MMD2: variants seen among roughly 807,000 people sequenced by gnomAD.
The protein encoded by MMD2 is monocyte to macrophage differentiation factor 2.
In MMD2, 30 loss-of-function variants were observed where a neutral mutation model predicts 33.5. The ratio of observed to expected loss-of-function variants is 0.90; its 90% CI spans 0.67 to 1.22. MMD2 has a LOEUF of 1.22. MMD2 is among the 50% of genes most tolerant of loss of function. The pLI is 0.00. For missense variants in MMD2, 364 were observed against 325.4 expected (o/e 1.12, Z -0.91); for synonymous variants, 129 against 123.0 (o/e 1.05, Z -0.32).
intron 2 of MMD2, among the ~76,000 whole-genome samples, chr7:4,922,942 G>A (rs898482423): frequency 6.6e-6 from 1 of 152,154 alleles, no homozygotes; most frequent in African/African-American, 2.4e-5. Flanking sequence ...TTAACAGCAG[G>A]GGCCTGGTAC....
chr7:4,941,076 G>A (rs1395331757), intron 1 of MMD2, among the ~76,000 whole-genome samples: 1 of 152,184 alleles, frequency 6.6e-6, no homozygotes, highest in Non-Finnish European at 1.5e-5. Flanking sequence ...GTTAGGAGGA[G>A]GGGTCGCCCC....
chr7:4,954,079 AC>A (rs1786323155), intron 1 of MMD2, among the ~76,000 whole-genome samples: 1 of 151,850 alleles, frequency 6.6e-6, no homozygotes, highest in Non-Finnish European at 1.5e-5. Flanking sequence ...AGATCCTCGC[AC>A]CTCAGCCTCC....
intron 1 of MMD2, among the ~76,000 whole-genome samples, chr7:4,952,995 G>GTTT (rs140512396): frequency 1.3e-5 from 2 of 151,558 alleles, no homozygotes; most frequent in African/African-American, 4.9e-5. Context: ...TTTTTTGTTT[G>GTTT]TTTTTTTGTT....
the MMD2 span, among the ~76,000 whole-genome samples, chr7:4,894,961 T>C: frequency 1.3e-5 from 2 of 152,142 alleles, no homozygotes; most frequent in Non-Finnish European, 2.9e-5. The surrounding 1 kb of genome is among the most constrained non-coding windows in gnomAD (Gnocchi z 4.3). Context: ...AAATGATCTT[T>C]GCTGGAAGCT....
chr7:4,918,998 CTGAGA>C (rs1785208773), intron 3 of MMD2, among the ~76,000 whole-genome samples: 1 of 151,896 alleles, frequency 6.6e-6, no homozygotes, highest in Non-Finnish European at 1.5e-5. Context: ...ACTCGGGAGG[CTGAGA>C]TAAGAGGATC....
Position 4,946,125 on chromosome 7 carries a change from A to G in MMD2, c.47+12846T>C, listed in dbSNP as rs1262933868. Among the ~76,000 whole-genome samples the G allele has an allele frequency of 1.3e-5, 2 of 150,430 alleles. No homozygotes were observed. The highest frequency in any genetic ancestry group is 3.0e-5 in the Non-Finnish European group (2 of 67,566). On this transcript the variant is annotated intron_variant, in intron 1 of 6. Coordinates refer to ENST00000401401, the MANE Select transcript of MMD2 (RefSeq NM_198403.4). This position sits in a 1 kb window ranked among gnomAD's most constrained non-coding sequence, Gnocchi z 5.0. ...CATGCACACGCGCACACGCACGCAC[A>G]CACCTGCACACGCACGCACACCCAC...
Position 4,909,941 on chromosome 7 carries a change from A to C in MMD2, c.477T>G (p.Leu159=). Residue 159 remains leucine, a synonymous_variant, in exon 6 of 7, where the codon CTT becomes CTG. Transcript: ENST00000401401. ...YVFFFHERYK[L]VELLCYVVMG... Reference sequence around the variant, plus strand: ...TTACGACGTAGCAGAGAAGCTCCACAAGCTTGTACCTGGCAGGAAGACAAG... The same window carrying C: ...TTACGACGTAGCAGAGAAGCTCCACCAGCTTGTACCTGGCAGGAAGACAAG... 6.2e-7 allele frequency: 1 copy of C among 1,613,918 alleles called. No homozygotes were observed. Among genetic ancestry groups the C allele is most frequent in the Non-Finnish European group, 8.5e-7 (1 of 1,179,886 alleles).
At chr7:4,893,528 A>C in the MMD2 span, among the ~76,000 whole-genome samples, 1 of 151,970 alleles carries the variant, frequency 6.6e-6, no homozygotes, top group Non-Finnish European at 1.5e-5. Flanking sequence ...AGTAGCTGGG[A>C]TTACAGACAT....
intron 1 of MMD2, among the ~76,000 whole-genome samples, chr7:4,945,083 C>T (rs1309619453): frequency 6.6e-6 from 1 of 151,136 alleles, no homozygotes; most frequent in East Asian, 1.9e-4. Flanking sequence ...CCCCCCGACC[C>T]CTTCTTCTGG....
In MMD2 at chr7:4,907,342, A is replaced by G. The variant is rs10951715; in HGVS notation, c.*54T>C. 1,284,916 of 1,573,156 alleles carry G rather than the reference A, an allele frequency of 0.82. 526,328 individuals carry two copies. The highest frequency in any genetic ancestry group is 0.89 in the Admixed American group (53,536 of 59,868). The stretch of plus-strand genomic sequence containing the variant: ...GGCGCTGTGCTCTGGGTTAACGTTC[A>G]CAGAAACGTGCTCCACTCCTAAAGC... On this transcript the variant is annotated 3_prime_UTR_variant, in exon 7 of 7. Coordinates refer to ENST00000401401, the MANE Select transcript of MMD2 (RefSeq NM_198403.4).
chr7:4,932,770 G>A (rs1459076260), intron 1 of MMD2, among the ~76,000 whole-genome samples: 2 of 151,782 alleles, frequency 1.3e-5, no homozygotes. Context: ...TTACAGGCAT[G>A]TGCCACCACC....
intron 1 of MMD2, among the ~76,000 whole-genome samples, chr7:4,926,327 C>G (rs962897438): frequency 5.3e-5 from 8 of 152,100 alleles, no homozygotes; most frequent in African/African-American, 1.4e-4. Flanking sequence ...TCCCGAACTC[C>G]AAGCGATCCT....
intron 1 of MMD2, among the ~76,000 whole-genome samples, chr7:4,944,341 A>T (rs904202231): frequency 1.3e-5 from 2 of 152,040 alleles, no homozygotes; most frequent in African/African-American, 4.8e-5. Context: ...GGGAAACTTT[A>T]GCCCTGGGCT....
chr7:4,956,165 G>A (rs1387756969), intron 1 of MMD2, among the ~76,000 whole-genome samples: 2 of 152,156 alleles, frequency 1.3e-5, no homozygotes, highest in African/African-American at 4.8e-5. Flanking sequence ...GCTCATGCCT[G>A]TAATCCCAAC....
rs375653079 is a variant in MMD2, at chr7:4,928,985, G to A, written c.48-3453C>T. On this transcript the variant is annotated intron_variant, in intron 1 of 6. Coordinates refer to ENST00000401401, the MANE Select transcript of MMD2 (RefSeq NM_198403.4). ...TGTGTGCTAGCTGTATGCTAGCATA[G>A]TTCAGGGCTCATTTATGGAGCATAT... 3.3e-5 allele frequency among the ~76,000 whole-genome samples: 5 copies of A among 152,334 alleles called. No individual in the cohort carries two copies. In the South Asian group the frequency reaches 8.3e-4, roughly 25 times the overall value.
At chr7:4,892,961 G>A in the MMD2 span, among the ~76,000 whole-genome samples, 78,509 of 151,832 alleles carry the variant, frequency 0.52, 20,999 homozygotes, top group South Asian at 0.63. Context: ...TGATCCTCAC[G>A]CCTCTACCTC....
intron 1 of MMD2, among the ~76,000 whole-genome samples, chr7:4,951,671 C>T (rs1336796161): frequency 2.0e-5 from 3 of 152,170 alleles, no homozygotes; most frequent in African/African-American, 7.2e-5. Context: ...ACAATCATGG[C>T]TCACTGTAAC....
downstream of MMD2, among the ~76,000 whole-genome samples, chr7:4,904,298 G>T (rs368914535): frequency 6.6e-6 from 1 of 152,174 alleles, no homozygotes; most frequent in Non-Finnish European, 1.5e-5. Flanking sequence ...CTTGCCCACC[G>T]GAGAGAATGG....
chr7:4,933,819 G>A (rs1302980858), intron 1 of MMD2, among the ~76,000 whole-genome samples: 1 of 151,948 alleles, frequency 6.6e-6, no homozygotes, highest in East Asian at 1.9e-4. Context: ...TTTTTGTAGA[G>A]ACAGGCTCTT....
Sources: allele counts gnomAD v4.1 joint callset (sites outside exome capture counted in the v4.1 genomes callset), GRCh38; gene constraint gnomAD v4.1.1; non-coding constraint Gnocchi (gnomAD v3.1); transcripts MANE v1.5; gene names NCBI Gene and HGNC (gene_info 2026-07-23, HGNC 2026-07-21).